AKT2: variants seen among roughly 807,000 people sequenced by gnomAD.
AKT2 encodes RAC-beta serine/threonine-protein kinase.
A neutral mutation model predicts 58.6 loss-of-function variants in AKT2; 16 were observed. The ratio of observed to expected loss-of-function variants is 0.27; its 90% CI spans 0.18 to 0.41. The LOEUF (loss-of-function observed/expected upper bound fraction) is 0.41, where lower values mean the gene tolerates loss of function less well. Among genes scored for constraint, AKT2 ranks in the 10% least tolerant of loss-of-function variants. AKT2 has a pLI of 1.00. For synonymous variants in AKT2, 253 were observed against 254.0 expected, an observed-to-expected ratio of 1.00 and a Z score of 0.04; for missense variants, 438 against 661.0, an observed-to-expected ratio of 0.66 and a Z score of 3.70.
At chr19:40,246,929 G>A (rs944629281) in intron 4 of AKT2, among the ~76,000 whole-genome samples, 2 of 152,246 alleles carry the variant, frequency 1.3e-5, no homozygotes, top group African/African-American at 2.4e-5. Flanking sequence ...AGAGCACCGC[G>A]CGCAGGGCGG....
chr19:40,235,516 G>A lies in AKT2; in HGVS notation c.1176-166C>T, dbSNP rs758956690. The A allele has an allele frequency of 1.1e-5, 8 of 729,272 alleles. No homozygotes were observed. The South Asian group carries it at 1.3e-4, about 11-fold the overall frequency. 45.2% of individuals were successfully genotyped at this position (729,272 alleles called of 1,614,324 possible). A position where few individuals can be genotyped will look rare whatever the true frequency, so the allele number is the denominator to read the frequency against. ...CTCAGGGAGGGAGCTCACGTGCCCA[G>A]GGTCAGAGCCAGGGAGTCAGCAACC... On this transcript the variant is annotated intron_variant, in intron 11 of 13. Coordinates refer to ENST00000392038, the MANE Select transcript of AKT2 (RefSeq NM_001626.6). This position sits in a 1 kb window ranked among gnomAD's most constrained non-coding sequence, Gnocchi z 6.3.
In AKT2 at chr19:40,242,289, G is replaced by A; in HGVS notation, c.442-220C>T. The A allele has an allele frequency of 1.2e-6, 1 of 855,024 alleles. No individual in the cohort carries two copies. Among genetic ancestry groups the A allele is most frequent in the Non-Finnish European group, 1.8e-6 (1 of 546,356 alleles). The allele number at this position is 855,024 out of a possible 1,614,324, so 53.0% of individuals were successfully genotyped here. The stretch of plus-strand genomic sequence containing the variant: ...TGGGAGGGCTGGGCTCTGACGTGGG[G>A]GTAGCCAGGTCTTCACCAACTCCCA... On this transcript the variant is annotated intron_variant, in intron 5 of 13. Transcript: ENST00000392038. The surrounding 1 kb of genome is among the most constrained non-coding windows in gnomAD (Gnocchi z 4.3).
At chr19:40,275,342 C>CTT (rs2077294459) in intron 1 of AKT2, 1 of 456,042 alleles carries the variant, frequency 2.2e-6, no homozygotes, top group Non-Finnish European at 4.4e-6. Flanking sequence ...TGCATCGCCA[C>CTT]CACCTCCCTG....
At chr19:40,262,561 C>T (rs1474841011) in intron 2 of AKT2, among the ~76,000 whole-genome samples, 1 of 152,236 alleles carries the variant, frequency 6.6e-6, no homozygotes, top group Non-Finnish European at 1.5e-5. Context: ...TGTGCTATTA[C>T]TACACCCTTG....
Position 40,240,108 on chromosome 19 carries a change from A to C in AKT2, c.576T>G (p.Asp192Glu), listed in dbSNP as rs774646421. 3 of 1,614,022 alleles carry C rather than the reference A, an allele frequency of 1.9e-6. No homozygotes were observed. In the Admixed American group the frequency reaches 5.0e-5, roughly 27 times the overall value. ...TCTCGGTGACTGTGTGAGCGACTTC[A>C]TCCTGCAGACAGACTGCGGGTGAGG... ...ILRKEVIIAK[D>E]EVAHTVTESR... The change falls in exon 7 of 14, where the codon GAT becomes GAG. Residue 192 changes from aspartate (D) to glutamate (E), a missense_variant and splice_region_variant. Transcript: ENST00000392038.
intron 1 of AKT2, among the ~76,000 whole-genome samples, chr19:40,268,396 C>T (rs1976509802): frequency 6.6e-6 from 1 of 152,220 alleles, no homozygotes; most frequent in South Asian, 2.1e-4. Context: ...CAGAGAGAAG[C>T]AAAGGCAGCC....
intron 2 of AKT2, among the ~76,000 whole-genome samples, chr19:40,265,020 G>A (rs1976243302): frequency 6.6e-6 from 1 of 152,186 alleles, no homozygotes; most frequent in African/African-American, 2.4e-5. Context: ...GATCACTCAT[G>A]CACAGTCAGA....
intron 1 of AKT2, among the ~76,000 whole-genome samples, chr19:40,267,519 C>T (rs1029248310): frequency 6.6e-6 from 1 of 152,186 alleles, no homozygotes; most frequent in Non-Finnish European, 1.5e-5. Context: ...TCCAGGAAGC[C>T]TTCCCCACCT....
At chr19:40,267,831 A>C (rs1976469767) in intron 1 of AKT2, among the ~76,000 whole-genome samples, 2 of 152,200 alleles carry the variant, frequency 1.3e-5, no homozygotes, top group Non-Finnish European at 2.9e-5. Flanking sequence ...GGGGCAGAAA[A>C]ATACACGAAT....
chr19:40,236,329 G>A lies in AKT2; in HGVS notation c.888C>T (p.Leu296=). 6.2e-7 allele frequency: 1 copy of A among 1,614,216 alleles called. No homozygotes were observed. Among genetic ancestry groups the A allele is most frequent in the Non-Finnish European group, 8.5e-7 (1 of 1,180,050 alleles). The change falls in exon 10 of 14, where the codon CTC becomes CTT. Residue 296 remains leucine, a synonymous_variant. Transcript: ENST00000392038. ...CCCCGTCACTGATGCCCTCTTTGCA[G>A]AGGCCAAAGTCAGTGATCTTGATGT... ...DGHIKITDFG[L]CKEGISDGAT... is the part of the protein sequence containing the mutation.
Position 40,235,049 on chromosome 19 carries a change from G to T in AKT2, c.1362C>A (p.Asp454Glu). 6.2e-7 allele frequency: 1 copy of T among 1,614,158 alleles called. No individual in the cohort carries two copies. Among genetic ancestry groups the T allele is most frequent in the Non-Finnish European group, 8.5e-7 (1 of 1,179,980 alleles). ...TAQSITITPP[D>E]RYDSLGLLEL... The stretch of plus-strand genomic sequence containing the variant: ...GCGGGGGCCCCAGGCACTCACAGCG[G>T]TCAGGGGGTGTGATTGTGATGGACT... Residue 454 changes from aspartate (D) to glutamate (E), a missense_variant, in exon 13 of 14, where the codon GAC becomes GAA. Transcript: ENST00000392038. This position sits in a 1 kb window ranked among gnomAD's most constrained non-coding sequence, Gnocchi z 6.3.
intron 1 of AKT2, chr19:40,283,113 G>A (rs1393682527): frequency 1.3e-5 from 2 of 153,138 alleles, no homozygotes; most frequent in East Asian, 1.9e-4. Flanking sequence ...CTGGCATGGG[G>A]TGAATGCTAT....
chr19:40,257,411 G>A (rs1975615014), intron 2 of AKT2, among the ~76,000 whole-genome samples: 1 of 152,204 alleles, frequency 6.6e-6, no homozygotes, highest in South Asian at 2.1e-4. Flanking sequence ...ATGCCCTGTG[G>A]CCCTGTAAGG....
At position 40,242,141 on chromosome 19, in the gene AKT2, G is replaced by C. The variant is rs543105321; in HGVS notation, c.442-72C>G. 1.4e-4 allele frequency: 224 copies of C among 1,602,632 alleles called. No homozygotes were observed. The African/African-American group carries it at 2.6e-3, about 19-fold the overall frequency. The stretch of plus-strand genomic sequence containing the variant: ...CCCGTGGGAGGAAATTTTAACAAAA[G>C]AAAGAGGAAAACCAAAAGACACTGT... On this transcript the variant is annotated intron_variant, in intron 5 of 13. Coordinates refer to ENST00000392038, the MANE Select transcript of AKT2 (RefSeq NM_001626.6). The surrounding 1 kb of genome is among the most constrained non-coding windows in gnomAD (Gnocchi z 4.3).
At position 40,242,286 on chromosome 19, in the gene AKT2, G is replaced by T. The variant is rs1005201353; in HGVS notation, c.442-217C>A. Reference sequence around the variant, plus strand: ...CCTTGGGAGGGCTGGGCTCTGACGTGGGGGTAGCCAGGTCTTCACCAACTC... The same window carrying T: ...CCTTGGGAGGGCTGGGCTCTGACGTTGGGGTAGCCAGGTCTTCACCAACTC... On this transcript the variant is annotated intron_variant, in intron 5 of 13. Transcript: ENST00000392038. The surrounding 1 kb of genome is among the most constrained non-coding windows in gnomAD (Gnocchi z 4.3). 2 of 863,474 alleles carry T rather than the reference G, an allele frequency of 2.3e-6. No individual in the cohort carries two copies. Among genetic ancestry groups the T allele is most frequent in the African/African-American group, 1.7e-5 (1 of 59,610 alleles). 53.5% of individuals were successfully genotyped at this position (863,474 alleles called of 1,614,324 possible).
At position 40,242,490 on chromosome 19, in the gene AKT2, G is replaced by C; in HGVS notation, c.441+44C>G. ...GAGAGCAGGCCAGCACTGGGGGTGGGGGCACCGCAGGCTGGCAGCCCCACC... is the reference window on the plus strand; with the variant it reads ...GAGAGCAGGCCAGCACTGGGGGTGGCGGCACCGCAGGCTGGCAGCCCCACC... On this transcript the variant is annotated intron_variant, in intron 5 of 13. Transcript: ENST00000392038. This position sits in a 1 kb window ranked among gnomAD's most constrained non-coding sequence, Gnocchi z 4.3. 1.2e-6 allele frequency: 2 copies of C among 1,611,106 alleles called. No individual in the cohort carries two copies. The highest frequency in any genetic ancestry group is 1.7e-6 in the Non-Finnish European group (2 of 1,179,598).
chr19:40,255,877 C>T (rs1600054632), intron 3 of AKT2, among the ~76,000 whole-genome samples: 1 of 152,238 alleles, frequency 6.6e-6, no homozygotes, highest in African/African-American at 2.4e-5. Flanking sequence ...CTCTGGCTGC[C>T]ATGTAGAGGG....
rs1429522762 is a variant in AKT2 at position 40,230,658 on chromosome 19, G to A, written c.*3214C>T. On this transcript the variant is annotated 3_prime_UTR_variant, in exon 14 of 14. Transcript: ENST00000392038. ...TGAGTACTCAAGGCCCTGCGACCTC[G>A]GGTGAATTTCCTTTCTTATACTCCT... 8.9e-6 allele frequency: 2 copies of A among 224,118 alleles called. No individual in the cohort carries two copies. Among genetic ancestry groups the A allele is most frequent in the Non-Finnish European group, 1.8e-5 (2 of 112,368 alleles). 13.9% of individuals were successfully genotyped at this position (224,118 alleles called of 1,614,324 possible).
At chr19:40,275,319 A>C in intron 1 of AKT2, 1 of 456,426 alleles carries the variant, frequency 2.2e-6, no homozygotes, top group Non-Finnish European at 4.4e-6. Flanking sequence ...GGAATCCCTG[A>C]CCCACGTCGC....
Sources: gnomAD v4.1 joint callset for allele counts (sites outside exome capture counted in the v4.1 genomes callset) on GRCh38, gnomAD v4.1.1 for gene constraint, Gnocchi (gnomAD v3.1) non-coding constraint, MANE v1.5 for transcripts, NCBI Gene and HGNC (gene_info 2026-07-23, HGNC 2026-07-21) for gene names.